The following NOL12 variants were observed in gnomAD, a reference collection of about 807,000 sequenced individuals.
NOL12 encodes nucleolar protein 12.
In NOL12, 21 loss-of-function variants were observed where a neutral mutation model predicts 25.2. The ratio of observed to expected loss-of-function variants is 0.83; its 90% CI spans 0.59 to 1.20. The LOEUF is 1.20. Ranked by LOEUF, NOL12 falls within the 50% of genes most tolerant of loss-of-function variation. NOL12 has a pLI of 0.00. For synonymous variants in NOL12, 133 were observed against 113.8 expected, an observed-to-expected ratio of 1.17 and a Z score of -1.08; for missense variants, 286 against 287.6, an observed-to-expected ratio of 0.99 and a Z score of 0.04.
intron 1 of NOL12, 115 bp downstream of exon 1, chr22:37,686,590 C>T (rs1223360305): frequency 3.6e-6 from 5 of 1,391,834 alleles, no homozygotes; most frequent in Non-Finnish European, 4.6e-6. Context: ...CCTGGCGTGG[C>T]TAGAGAACCC....
Position 37,689,560 on chromosome 22 carries a change from T to C in NOL12, c.381+568T>C, listed in dbSNP as rs1194470745. Among the ~76,000 whole-genome samples, 3 of 152,238 alleles carry C rather than the reference T, an allele frequency of 2.0e-5. No homozygotes were observed. In the East Asian group the frequency reaches 5.8e-4, roughly 29 times the overall value. On this transcript the variant is annotated intron_variant, in intron 4 of 5. Transcript: ENST00000359114. ...TAAAAAAAAAATATAATTGAAAATA[T>C]CCGAAAGTGTCATGTTAAATATTGT...
In NOL12 at chr22:37,688,030, G is replaced by T. The variant is rs1182723586; in HGVS notation, c.189+15G>T. ...TTCGGGAGGAGGTACGCAGGGGGAA[G>T]GTGGGAGGGAGGTCTTTGATTCTTA... On this transcript the variant is annotated intron_variant, in intron 2 of 5. Coordinates refer to ENST00000359114, the MANE Select transcript of NOL12 (RefSeq NM_024313.3). 6.6e-7 allele frequency: 1 copy of T among 1,524,514 alleles called. No homozygotes were observed. 94.4% of individuals were successfully genotyped at this position (1,524,514 alleles called of 1,614,324 possible).
intron 1 of NOL12, 31 bp downstream of exon 1, chr22:37,686,506 C>T (rs753990997): frequency 1.9e-6 from 3 of 1,558,126 alleles, no homozygotes; most frequent in Non-Finnish European, 1.7e-6. Flanking sequence ...GGACTCCCCT[C>T]GAGCTGTTCT....
Position 37,691,477 on chromosome 22 carries a change from C to CCAGCTGCCTTTGCCTGGGGT in NOL12, c.*162_*181dup, listed in dbSNP as rs61373467. 20 of 831,544 alleles carry CCAGCTGCCTTTGCCTGGGGT rather than the reference C, an allele frequency of 2.4e-5. No homozygotes were observed. Among genetic ancestry groups the CCAGCTGCCTTTGCCTGGGGT allele is most frequent in the Non-Finnish European group, 3.2e-5 (19 of 586,548 alleles). 51.5% of individuals were successfully genotyped at this position (831,544 alleles called of 1,614,324 possible). A position where few individuals can be genotyped will look rare whatever the true frequency, so the allele number is the denominator to read the frequency against. On this transcript the variant is annotated 3_prime_UTR_variant, in exon 6 of 6. Coordinates refer to ENST00000359114, the MANE Select transcript of NOL12 (RefSeq NM_024313.3). The stretch of plus-strand genomic sequence containing the variant: ...AAGCCAGGACCTCTCTGGCCTGGGG[C>CCAGCTGCCTTTGCCTGGGGT]CAGCTGCCTTTGCCTGGGGTCAGCT...
intron 3 of NOL12, 72 bp from the exon 4 acceptor site, chr22:37,688,778 A>C (rs1921931815): frequency 6.4e-7 from 1 of 1,554,162 alleles, no homozygotes; most frequent in Admixed American, 1.7e-5. Context: ...ACTGCACTCC[A>C]GGGCGGGAGG....
chr22:37,687,688 C>A (rs183932894), intron 1 of NOL12: 2 of 396,390 alleles, frequency 5.0e-6, no homozygotes, highest in Admixed American at 8.0e-5. Context: ...GAACTCCTGG[C>A]GTCATGTGAT....
chr22:37,691,466 C>T lies in NOL12; in HGVS notation c.*130C>T. On this transcript the variant is annotated 3_prime_UTR_variant, in exon 6 of 6. Transcript: ENST00000359114. ...TCAAGGTTGGGAAGCCAGGACCTCT[C>T]TGGCCTGGGGCCAGCTGCCTTTGCC... is the stretch of plus-strand genomic sequence containing the variant. 9.2e-7 allele frequency: 1 copy of T among 1,090,008 alleles called. No individual in the cohort carries two copies. Among genetic ancestry groups the T allele is most frequent in the Non-Finnish European group, 1.2e-6 (1 of 809,752 alleles). The allele number at this position is 1,090,008 out of a possible 1,614,324, so 67.5% of individuals were successfully genotyped here. A position where few individuals can be genotyped will look rare whatever the true frequency, so the allele number is the denominator to read the frequency against.
At position 37,687,998 on chromosome 22, in the gene NOL12, A is replaced by G. The variant is rs1365823706; in HGVS notation, c.172A>G (p.Arg58Gly). The G allele has an allele frequency of 6.5e-7, 1 of 1,531,496 alleles. No individual in the cohort carries two copies. The highest frequency in any genetic ancestry group is 8.9e-7 in the Non-Finnish European group (1 of 1,128,608). 94.9% of individuals were successfully genotyped at this position (1,531,496 alleles called of 1,614,324 possible). Residue 58 changes from arginine to glycine, a missense_variant, in exon 2 of 6, where the codon AGG (arginine) becomes GGG (glycine). Arg to Gly is a moderately radical substitution (Grantham distance 125, BLOSUM62 -2). Coordinates refer to ENST00000359114, the MANE Select transcript of NOL12 (RefSeq NM_024313.3). ...TAAGCAGCGGCTGAAAGAGGAGCAG[A>G]GGAAGCTTCGGGAGGAGGTACGCAG... ...EIKQRLKEEQRKLREERHQEY... is the reference protein window; with the variant it reads ...EIKQRLKEEQGKLREERHQEY...
At position 37,692,427 on chromosome 22, in the gene NOL12, C is replaced by T. The variant is rs1055724985; in HGVS notation, c.*1091C>T. 1.3e-5 allele frequency: 5 copies of T among 398,602 alleles called. No individual in the cohort carries two copies. The highest frequency in any genetic ancestry group is 3.6e-5 in the East Asian group (1 of 28,082). The allele number at this position is 398,602 out of a possible 1,614,324, so 24.7% of individuals were successfully genotyped here. On this transcript the variant is annotated 3_prime_UTR_variant, in exon 6 of 6. Coordinates refer to ENST00000359114, the MANE Select transcript of NOL12 (RefSeq NM_024313.3). The stretch of plus-strand genomic sequence containing the variant: ...GTAGCCCCCACCAGAGTAGACCCTG[C>T]GGGTGCCAGCTAGAACTCCACAAGG...
intron 2 of NOL12, 117 bp downstream of exon 2, chr22:37,688,132 G>A: frequency 1.8e-6 from 2 of 1,099,012 alleles, no homozygotes; most frequent in South Asian, 2.8e-5. Context: ...CAGGACTGGG[G>A]AATAGTTTAT....
Position 37,690,771 on chromosome 22 carries a change from C to T in NOL12, c.456C>T (p.Ser152=), listed in dbSNP as rs766778591. 4.3e-6 allele frequency: 7 copies of T among 1,613,636 alleles called. No individual in the cohort carries two copies. The Admixed American group carries it at 8.3e-5, about 19-fold the overall frequency. The change falls in exon 5 of 6, where the codon TCC becomes TCT. Residue 152 remains serine, a synonymous_variant. Transcript: ENST00000359114. ...EKPTKALPRK[S]RDPLLSQRIS... ...CAACCAAAGCCTTGCCCAGGAAGTC[C>T]AGAGACCCCCTGCTCTCTCAGCGGT...
At chr22:37,687,223 A>G (rs1004506421) in intron 1 of NOL12, 3 of 391,274 alleles carry the variant, frequency 7.7e-6, no homozygotes, top group Non-Finnish European at 1.0e-5. Flanking sequence ...TGAGGTTTGT[A>G]GGTGTGGAAG....
At chr22:37,689,075 T>C in intron 4 of NOL12, 83 bp downstream of exon 4, 2 of 1,487,888 alleles carry the variant, frequency 1.3e-6, no homozygotes, top group Non-Finnish European at 1.8e-6. Context: ...GCCCATGTCA[T>C]GGGTATCCCA....
rs1017044894 is a variant in NOL12 at position 37,692,354 on chromosome 22, C to CA, written c.*1027dup. 174 of 385,326 alleles carry CA rather than the reference C, an allele frequency of 4.5e-4. No homozygotes were observed. Among genetic ancestry groups the CA allele is most frequent in the East Asian group, 6.3e-4 (17 of 27,132 alleles). 23.9% of individuals were successfully genotyped at this position (385,326 alleles called of 1,614,324 possible). A position where few individuals can be genotyped will look rare whatever the true frequency, so the allele number is the denominator to read the frequency against. ...CCTGGGCAACGTTGTGACCTTGTCT[C>CA]AAAAAAAAACTAAAAAATAAAGCAG... is the stretch of plus-strand genomic sequence containing the variant. On this transcript the variant is annotated 3_prime_UTR_variant, in exon 6 of 6. Coordinates refer to ENST00000359114, the MANE Select transcript of NOL12 (RefSeq NM_024313.3).
intron 1 of NOL12, 184 bp downstream of exon 1, chr22:37,686,659 T>C: frequency 1.0e-6 from 1 of 985,358 alleles, no homozygotes; most frequent in Non-Finnish European, 1.2e-6. Flanking sequence ...CCTTCTCCCT[T>C]CTTGACCTCC....
chr22:37,691,900 G>C lies in NOL12; in HGVS notation c.*564G>C, dbSNP rs1238633270. On this transcript the variant is annotated 3_prime_UTR_variant, in exon 6 of 6. Transcript: ENST00000359114. ...ATGCCCTTCACCGAGGAGCCTCTGT[G>C]CCTGTCCCTTGTCCTCGGCCCCAGG... The C allele has an allele frequency of 6.6e-6, 1 of 152,660 alleles. No homozygotes were observed. The highest frequency in any genetic ancestry group is 1.5e-5 in the Non-Finnish European group (1 of 68,372). 9.5% of individuals were successfully genotyped at this position (152,660 alleles called of 1,614,324 possible). A position where few individuals can be genotyped will look rare whatever the true frequency, so the allele number is the denominator to read the frequency against.
rs116555321 is a variant in NOL12, at chr22:37,686,766, C to G, written c.83+291C>G. The G allele has an allele frequency of 2.9e-5, 29 of 985,450 alleles. No homozygotes were observed. The African/African-American group carries it at 4.7e-4, about 16-fold the overall frequency. The allele number at this position is 985,450 out of a possible 1,614,324, so 61.0% of individuals were successfully genotyped here. On this transcript the variant is annotated intron_variant, in intron 1 of 5. Coordinates refer to ENST00000359114, the MANE Select transcript of NOL12 (RefSeq NM_024313.3). Reference sequence around the variant, plus strand: ...CCTAGCCCAGCCCAGTCCATCGGTCCGGCACACAGCAGGCGCCCAGCCGTG... The same window carrying G: ...CCTAGCCCAGCCCAGTCCATCGGTCGGGCACACAGCAGGCGCCCAGCCGTG...
At chr22:37,688,476 C>A in intron 3 of NOL12, 116 bp downstream of exon 3, 2 of 1,110,602 alleles carry the variant, frequency 1.8e-6, no homozygotes, top group East Asian at 2.4e-5. Flanking sequence ...GGGGGGTACC[C>A]TGGGGCCAGG....
Position 37,691,383 on chromosome 22 carries a change from C to G in NOL12, c.*47C>G, listed in dbSNP as rs1199692640. ...CCAGTCTAGGCTGCGGGGACCTGTC[C>G]TTGCTCAGCTTGGCTGTCCCTGTAG... On this transcript the variant is annotated 3_prime_UTR_variant, in exon 6 of 6. Coordinates refer to ENST00000359114, the MANE Select transcript of NOL12 (RefSeq NM_024313.3). The G allele has an allele frequency of 2.6e-6, 4 of 1,535,592 alleles. No individual in the cohort carries two copies. Among genetic ancestry groups the G allele is most frequent in the Non-Finnish European group, 1.8e-6 (2 of 1,138,410 alleles).
Sources: allele counts gnomAD v4.1 joint callset (sites outside exome capture counted in the v4.1 genomes callset), GRCh38; gene constraint gnomAD v4.1.1; transcripts MANE v1.5; gene names NCBI Gene and HGNC (gene_info 2026-07-23, HGNC 2026-07-21).